CTCF: variants seen among roughly 807,000 people sequenced by gnomAD.
The protein encoded by CTCF is CCCTC-binding factor, also known as transcriptional repressor CTCF.
A neutral mutation model predicts 72.3 loss-of-function variants in CTCF; 7 were observed. The ratio of observed to expected loss-of-function variants is 0.10; its 90% CI spans 0.06 to 0.18. CTCF has a LOEUF of 0.18. Among genes scored for constraint, CTCF ranks in the 10% least tolerant of loss-of-function variants. CTCF has a pLI of 1.00. For missense variants in CTCF, 516 were observed against 949.1 expected (o/e 0.54, Z 6.00); for synonymous variants, 374 against 315.8 (o/e 1.18, Z -1.95).
At position 67,611,600 on chromosome 16, in the gene CTCF, A is replaced by G. The variant is rs757287392; in HGVS notation, c.768A>G (p.Lys256=). The G allele has an allele frequency of 3.1e-6, 5 of 1,608,040 alleles. No homozygotes were observed. In the East Asian group the frequency reaches 1.1e-4, roughly 36 times the overall value. The change falls in exon 3 of 12, where the codon AAA becomes AAG. Residue 256 remains lysine (K), a synonymous_variant. Transcript: ENST00000264010. ...VGNMKPPKPT[K]IKKKGVKKTF... The stretch of plus-strand genomic sequence containing the variant: ...ATATGAAGCCTCCAAAGCCAACAAA[A>G]ATTAAAAAGAAAGGTAAAACGAGTT...
rs201556166 is a variant in CTCF, at chr16:67,601,252, G to GTGTGTGTTT, written c.-9-9569_-9-9568insGTGTTTTGT. 3.6e-4 allele frequency among the ~76,000 whole-genome samples: 49 copies of GTGTGTGTTT among 137,042 alleles called. 2 individuals are homozygous for GTGTGTGTTT. Among genetic ancestry groups the GTGTGTGTTT allele is most frequent in the Non-Finnish European group, 3.1e-4 (20 of 64,396 alleles). 89.9% of individuals were successfully genotyped at this position (137,042 alleles called of 152,430 possible). ...TGTGTGTGTGTGTGTGTGTGTGTGT[G>GTGTGTGTTT]TGTTTTGTTTTGTTTTTTAAGACAG... On this transcript the variant is annotated intron_variant, in intron 2 of 11. Transcript: ENST00000264010.
At chr16:67,630,730 G>A (rs2052351534) in intron 10 of CTCF, among the ~76,000 whole-genome samples, 1 of 152,022 alleles carries the variant, frequency 6.6e-6, no homozygotes, top group Non-Finnish European at 1.5e-5. Context: ...CTTCCAGTCT[G>A]GTGGTCGAAG....
intron 2 of CTCF, among the ~76,000 whole-genome samples, chr16:67,609,776 C>T (rs2052033513): frequency 6.6e-6 from 1 of 152,120 alleles, no homozygotes; most frequent in African/African-American, 2.4e-5. Context: ...GCGCCCACCA[C>T]CACGCCCGGC....
intron 2 of CTCF, among the ~76,000 whole-genome samples, chr16:67,597,296 A>C (rs1488937737): frequency 1.3e-5 from 2 of 151,246 alleles, no homozygotes; most frequent in Non-Finnish European, 2.9e-5. Flanking sequence ...TTGGCCTCTC[A>C]GTGTTTGAAT....
intron 7 of CTCF, among the ~76,000 whole-genome samples, chr16:67,625,581 G>A (rs1356697450): frequency 6.6e-6 from 1 of 152,064 alleles, no homozygotes; most frequent in African/African-American, 2.4e-5. Flanking sequence ...AGCTCCCATG[G>A]GCTCAAATTC....
At chr16:67,626,499 G>C (rs995121683) in intron 7 of CTCF, 56 bp from the exon 8 acceptor site, 24 of 691,710 alleles carry the variant, frequency 3.5e-5, no homozygotes, top group Non-Finnish European at 4.1e-5. Context: ...TTAGTAACTT[G>C]TTAAAATGCT....
At chr16:67,571,638 G>A (rs1469629911) in intron 2 of CTCF, among the ~76,000 whole-genome samples, 1 of 152,184 alleles carries the variant, frequency 6.6e-6, no homozygotes, top group East Asian at 1.9e-4. Context: ...CCCTTGGAAT[G>A]TGTATTTTGA....
intron 2 of CTCF, among the ~76,000 whole-genome samples, chr16:67,608,279 G>A (rs918027187): frequency 3.3e-5 from 5 of 149,428 alleles, no homozygotes; most frequent in African/African-American, 9.9e-5. Context: ...AGCGGAGATC[G>A]TGCCACTGCA....
intron 2 of CTCF, among the ~76,000 whole-genome samples, chr16:67,608,584 A>G (rs567148341): frequency 6.6e-6 from 1 of 152,186 alleles, no homozygotes; most frequent in Non-Finnish European, 1.5e-5. Context: ...TCAGTTATGC[A>G]AGATGAGTAA....
At chr16:67,570,481 C>A (rs1040668585) in intron 1 of CTCF, among the ~76,000 whole-genome samples, 2 of 151,616 alleles carry the variant, frequency 1.3e-5, no homozygotes, top group Non-Finnish European at 2.9e-5. Flanking sequence ...CGGAGTCTCG[C>A]TCTGTCGCCC....
chr16:67,563,114 G>A (rs986751865), intron 1 of CTCF, among the ~76,000 whole-genome samples: 3 of 151,914 alleles, frequency 2.0e-5, no homozygotes, highest in Non-Finnish European at 4.4e-5. Context: ...CCCCTCCCGC[G>A]GCGGGTGGCC....
intron 2 of CTCF, among the ~76,000 whole-genome samples, chr16:67,609,569 A>G (rs534529018): frequency 6.7e-6 from 1 of 150,324 alleles, no homozygotes; most frequent in East Asian, 2.0e-4. Context: ...AGACTCTTTT[A>G]TCTGTATCAG....
At chr16:67,600,782 T>G (rs2051876212) in intron 2 of CTCF, among the ~76,000 whole-genome samples, 1 of 152,032 alleles carries the variant, frequency 6.6e-6, no homozygotes, top group African/African-American at 2.4e-5. Context: ...TTTAACTGAA[T>G]AGCTGAGAAA....
intron 1 of CTCF, among the ~76,000 whole-genome samples, chr16:67,570,046 A>G (rs1471139044): frequency 6.6e-6 from 1 of 151,330 alleles, no homozygotes; most frequent in East Asian, 1.9e-4. Flanking sequence ...ATAAACTGTT[A>G]GAGAGCCATT....
chr16:67,595,470 A>G (rs146703178), intron 2 of CTCF, among the ~76,000 whole-genome samples: 1,568 of 152,302 alleles, frequency 0.01, 24 homozygotes, highest in Non-Finnish European at 0.017. Flanking sequence ...AAAGGTTTAG[A>G]TAAGATTAGA....
In CTCF at chr16:67,628,312, A is replaced by T. The variant is rs2052318210; in HGVS notation, c.1519-58A>T. On this transcript the variant is annotated intron_variant, in intron 8 of 11. Transcript: ENST00000264010. Reference sequence around the variant, plus strand: ...TGTTGGCCACATGCATGCAGGTGGCAGCTGGGGCAGTAGCCCCATGAGCAG... The same window carrying T: ...TGTTGGCCACATGCATGCAGGTGGCTGCTGGGGCAGTAGCCCCATGAGCAG... The T allele has an allele frequency of 2.0e-6, 3 of 1,515,554 alleles. No individual in the cohort carries two copies. The East Asian group carries it at 6.9e-5, about 35-fold the overall frequency. The allele number at this position is 1,515,554 out of a possible 1,614,324, so 93.9% of individuals were successfully genotyped here.
At chr16:67,564,198 C>G (rs1032988637) in intron 1 of CTCF, among the ~76,000 whole-genome samples, 2 of 152,232 alleles carry the variant, frequency 1.3e-5, no homozygotes, top group Non-Finnish European at 2.9e-5. Flanking sequence ...TCTTTCTTCA[C>G]TAAAAAGCAT....
chr16:67,622,201 A>G (rs569663625), intron 7 of CTCF, among the ~76,000 whole-genome samples: 1 of 152,106 alleles, frequency 6.6e-6, no homozygotes, highest in East Asian at 1.9e-4. Flanking sequence ...CTAAAAATAC[A>G]AAAAATTAAC....
rs924847566 is a variant in CTCF at position 67,580,906 on chromosome 16, G to A, written c.-10+9642G>A. 1.1e-4 allele frequency among the ~76,000 whole-genome samples: 16 copies of A among 151,008 alleles called. No individual in the cohort carries two copies. In the East Asian group the frequency reaches 1.4e-3, roughly 13 times the overall value. On this transcript the variant is annotated intron_variant, in intron 2 of 11. Coordinates refer to ENST00000264010, the MANE Select transcript of CTCF (RefSeq NM_006565.4). ...GCTGGGATTACAGGCGTGAGCCACC[G>A]CACCAGGATTTACTTATTTTTTATT...
Sources: allele counts gnomAD v4.1 joint callset (sites outside exome capture counted in the v4.1 genomes callset), GRCh38; gene constraint gnomAD v4.1.1; transcripts MANE v1.5; gene names NCBI Gene and HGNC (gene_info 2026-07-23, HGNC 2026-07-21).